EFHC1: variants seen among roughly 807,000 people sequenced by gnomAD.
EFHC1 encodes the protein EF-hand domain-containing protein 1.
EFHC1 carries 53 observed loss-of-function variants against 69.9 expected under a neutral mutation model. That is an observed-to-expected ratio of 0.76 (90% CI 0.61 to 0.95). The LOEUF is 0.95. Ranked by LOEUF, EFHC1 falls within the 40% of genes least tolerant of loss-of-function variation. The probability of loss-of-function intolerance (pLI) is 0.00; values close to 1 mark genes in which losing one functional copy is unlikely to be tolerated. For synonymous variants in EFHC1, 256 were observed against 278.4 expected (o/e 0.92, Z 0.80); for missense variants, 739 against 798.7 (o/e 0.93, Z 0.90).
At chr6:52,437,210 CA>C (rs1764553394) in intron 2 of EFHC1, among the ~76,000 whole-genome samples, 1 of 152,154 alleles carries the variant, frequency 6.6e-6, no homozygotes, top group Non-Finnish European at 1.5e-5. Context: ...TATACATTTA[CA>C]AAGGACTACA....
At chr6:52,461,186 C>T (rs1012867583) in intron 5 of EFHC1, among the ~76,000 whole-genome samples, 10 of 151,948 alleles carry the variant, frequency 6.6e-5, no homozygotes, top group African/African-American at 2.4e-4. Flanking sequence ...AGCCTAACAC[C>T]CATCAGTTAT....
intron 2 of EFHC1, among the ~76,000 whole-genome samples, chr6:52,424,670 G>A (rs924582181): frequency 8.5e-5 from 13 of 152,138 alleles, no homozygotes; most frequent in African/African-American, 2.9e-4. Flanking sequence ...TAACATTTTT[G>A]TTTGTTTCTC....
chr6:52,427,631 G>A (rs1286976480), intron 2 of EFHC1, among the ~76,000 whole-genome samples: 1 of 151,634 alleles, frequency 6.6e-6, no homozygotes, highest in East Asian at 1.9e-4. Flanking sequence ...TGTCCCACCT[G>A]AGTGTATACT....
At chr6:52,469,148 T>G (rs969638263) in intron 6 of EFHC1, 185 bp from the exon 7 acceptor site, 11 of 699,926 alleles carry the variant, frequency 1.6e-5, no homozygotes, top group Non-Finnish European at 2.5e-5. Flanking sequence ...TCAGTGAACA[T>G]GATGCAAAAT....
intron 9 of EFHC1, chr6:52,480,079 C>A: frequency 1.7e-6 from 1 of 594,700 alleles, no homozygotes; most frequent in Middle Eastern, 4.5e-4. Flanking sequence ...CAAAACTTAA[C>A]TACTAATAGC....
intron 8 of EFHC1, 44 bp from the exon 9 acceptor site, chr6:52,479,596 G>A (rs1765626495): frequency 5.0e-6 from 8 of 1,613,956 alleles, no homozygotes; most frequent in Non-Finnish European, 6.8e-6. Context: ...CTGATTGCGT[G>A]AGAGAACATC....
intron 7 of EFHC1, among the ~76,000 whole-genome samples, chr6:52,477,587 TAAAC>T (rs1001327155): frequency 6.6e-5 from 10 of 151,740 alleles, no homozygotes; most frequent in African/African-American, 1.9e-4. Flanking sequence ...AAGAAAAAAA[TAAAC>T]AACCCCATCA....
At chr6:52,474,973 G>A (rs1172889720) in intron 7 of EFHC1, among the ~76,000 whole-genome samples, 4 of 151,264 alleles carry the variant, frequency 2.6e-5, no homozygotes, top group Admixed American at 6.6e-5. Context: ...AAATTCTTTC[G>A]GCTGTGCATT....
intron 9 of EFHC1, among the ~76,000 whole-genome samples, chr6:52,481,313 T>C (rs1765669355): frequency 6.6e-6 from 1 of 152,112 alleles, no homozygotes; most frequent in African/African-American, 2.4e-5. Context: ...GGTAGAGCAG[T>C]TGCCTTCTTT....
intron 3 of EFHC1, among the ~76,000 whole-genome samples, chr6:52,440,593 C>G (rs915380455): frequency 2.0e-5 from 3 of 152,092 alleles, no homozygotes; most frequent in Non-Finnish European, 4.4e-5. Flanking sequence ...CTGCGATGAA[C>G]ATACTTGCGG....
chr6:52,463,483 C>T (rs1357624128), intron 5 of EFHC1, among the ~76,000 whole-genome samples: 3 of 152,144 alleles, frequency 2.0e-5, no homozygotes, highest in Admixed American at 6.5e-5. Context: ...ATTTAAAGAA[C>T]AGGTAATTCT....
At position 52,451,832 on chromosome 6, in the gene EFHC1, T is replaced by C. The variant is rs548061838; in HGVS notation, c.574-856T>C. Among the ~76,000 whole-genome samples the C allele has an allele frequency of 6.6e-5, 10 of 152,376 alleles. 2 individuals carry two copies. The East Asian group carries it at 1.9e-3, about 29-fold the overall frequency. ...TTTGCTAACACGTTTTCTGGTCTAA[T>C]ATAACCAGTGGGTATGCTTTCTTTT... is the stretch of plus-strand genomic sequence containing the variant. On this transcript the variant is annotated intron_variant, in intron 3 of 10. Transcript: ENST00000371068.
Position 52,460,100 on chromosome 6 carries a change from G to C in EFHC1, c.917-4795G>C, listed in dbSNP as rs1581835002. ...GAAACTTATGTGAATGTTTATGGCA[G>C]CTTTTTTTATAATAGCCAAAAGTTG... On this transcript the variant is annotated intron_variant, in intron 5 of 10. Coordinates refer to ENST00000371068, the MANE Select transcript of EFHC1 (RefSeq NM_018100.4). Among the ~76,000 whole-genome samples, 4 of 152,176 alleles carry C rather than the reference G, an allele frequency of 2.6e-5. No homozygotes were observed. The East Asian group carries it at 7.7e-4, about 29-fold the overall frequency.
chr6:52,453,599 C>T lies in EFHC1; in HGVS notation c.724-496C>T, dbSNP rs1345813641. ...TTTGTATTTAAAGATTGTGTTTATT[C>T]CCACGATTTGAAGAAGCCTAGCCAA... On this transcript the variant is annotated intron_variant, in intron 4 of 10. Transcript: ENST00000371068. 6 of 1,258,070 alleles carry T rather than the reference C, an allele frequency of 4.8e-6. No individual in the cohort carries two copies. The East Asian group carries it at 2.2e-4, about 47-fold the overall frequency. 77.9% of individuals were successfully genotyped at this position (1,258,070 alleles called of 1,614,324 possible). A position where few individuals can be genotyped will look rare whatever the true frequency, so the allele number is the denominator to read the frequency against.
In EFHC1 at chr6:52,464,876, T is replaced by TAACACCATCTTATATTAG; in HGVS notation, c.917-17_917dup. On this transcript the variant is annotated intron_variant, in intron 5 of 10. Coordinates refer to ENST00000371068, the MANE Select transcript of EFHC1 (RefSeq NM_018100.4). ...CACTCATTCCTTCTTTTTTTCTCTCTAACACCATCTTATATTAGAGAACTT... is the reference window on the plus strand; with the variant it reads ...CACTCATTCCTTCTTTTTTTCTCTCTAACACCATCTTATATTAGAACACCATCTTATATTAGAGAACTT... The TAACACCATCTTATATTAG allele has an allele frequency of 6.2e-7, 1 of 1,606,374 alleles. No individual in the cohort carries two copies. The highest frequency in any genetic ancestry group is 8.5e-7 in the Non-Finnish European group (1 of 1,172,892).
In EFHC1 at chr6:52,469,359, A is replaced by C. The variant is rs1285049638; in HGVS notation, c.1164A>C (p.Gly388=). The stretch of plus-strand genomic sequence containing the variant: ...AGTTGCCTCCTTATAACGGTTTTGG[A>C]CTAGTGGAAGATTCTGCTCAGAATT... ...KQELPPYNGF[G]LVEDSAQNCF... is the part of the protein sequence containing the mutation. The change falls in exon 7 of 11, where the codon GGA becomes GGC. Residue 388 remains glycine (G), a synonymous_variant. Transcript: ENST00000371068. 2 of 1,613,918 alleles carry C rather than the reference A, an allele frequency of 1.2e-6. No homozygotes were observed. Among genetic ancestry groups the C allele is most frequent in the Non-Finnish European group, 1.7e-6 (2 of 1,179,920 alleles).
intron 2 of EFHC1, among the ~76,000 whole-genome samples, chr6:52,432,188 C>T (rs1268159649): frequency 6.6e-6 from 1 of 152,200 alleles, no homozygotes; most frequent in African/African-American, 2.4e-5. Context: ...AGGCTATTTA[C>T]ATTCAACATT....
rs1436406118 is a variant in EFHC1 at position 52,493,348 on chromosome 6, CTCTT to C, written c.*1011_*1014del. The C allele has an allele frequency of 1.0e-5, 3 of 297,524 alleles. No individual in the cohort carries two copies. The highest frequency in any genetic ancestry group is 8.5e-5 in the East Asian group (1 of 11,774). The allele number at this position is 297,524 out of a possible 1,614,324, so 18.4% of individuals were successfully genotyped here. ...TGTGTGAGCAATTTCTTATAACTCTCTCTTTCTCTCTCTCTACATATATATATAT... is the reference window on the plus strand; with the variant it reads ...TGTGTGAGCAATTTCTTATAACTCTCTCTCTCTCTCTACATATATATATAT... On this transcript the variant is annotated 3_prime_UTR_variant, in exon 11 of 11. Coordinates refer to ENST00000371068, the MANE Select transcript of EFHC1 (RefSeq NM_018100.4).
intron 7 of EFHC1, among the ~76,000 whole-genome samples, chr6:52,471,560 C>T (rs1167544700): frequency 6.6e-6 from 1 of 152,078 alleles, no homozygotes; most frequent in Non-Finnish European, 1.5e-5. Flanking sequence ...ATTTCAGATA[C>T]TGGCACTATG....
Sources: gnomAD v4.1 joint callset for allele counts (sites outside exome capture counted in the v4.1 genomes callset) on GRCh38, gnomAD v4.1.1 for gene constraint, MANE v1.5 for transcripts, NCBI Gene and HGNC (gene_info 2026-07-23, HGNC 2026-07-21) for gene names.